TMEM101: variants seen among roughly 807,000 people sequenced by gnomAD.
The protein encoded by TMEM101 is transmembrane protein 101, also known as putative NF-kappa-B-activating protein 130.
TMEM101 carries 14 observed loss-of-function variants against 26.0 expected under a neutral mutation model. That is an observed-to-expected ratio of 0.54 (90% confidence interval 0.36 to 0.84). The LOEUF (loss-of-function observed/expected upper bound fraction) is 0.84. Ranked by LOEUF, TMEM101 falls within the 40% of genes least tolerant of loss-of-function variation. TMEM101 has a pLI of 0.01. For synonymous variants in TMEM101, 152 were observed against 145.1 expected (o/e 1.05, Z -0.34); for missense variants, 292 against 345.1 (o/e 0.85, Z 1.22).
At chr17:44,015,222 T>C (rs2049216913), upstream of TMEM101, 1 of 336,440 alleles carries the variant, frequency 3.0e-6, no homozygotes, top group East Asian at 5.9e-5. Flanking sequence ...TCTTGGACCG[T>C]AGTATGATGT....
At chr17:44,015,850 C>T (rs560010513), upstream of TMEM101, among the ~76,000 whole-genome samples, 3 of 152,234 alleles carry the variant, frequency 2.0e-5, no homozygotes, top group South Asian at 4.1e-4. Context: ...TTGCCTTTTG[C>T]CTGTGCCCTG....
chr17:44,013,210 G>T, intron 2 of TMEM101, 55 bp from the exon 3 acceptor site: 2 of 1,460,206 alleles, frequency 1.4e-6, no homozygotes, highest in Non-Finnish European at 9.1e-7. Flanking sequence ...CATCTCTCCT[G>T]GCTTCCCAGA....
Position 44,012,066 on chromosome 17 carries a change from G to C in TMEM101, c.636C>G (p.Pro212=). The part of the protein sequence containing the change: ...LAAQILAVLL[P]PVMLLIDGNV... ...TGCCATCAATGAGCAGCATGACAGG[G>C]GGCAGCAGTACAGCCAGGATCTGGG... Residue 212 remains proline, a synonymous_variant, in exon 4 of 4, where the codon CCC becomes CCG. Transcript: ENST00000206380. 6.2e-7 allele frequency: 1 copy of C among 1,614,228 alleles called. No individual in the cohort carries two copies. The highest frequency in any genetic ancestry group is 1.1e-5 in the South Asian group (1 of 91,090).
At position 44,014,845 on chromosome 17, in the gene TMEM101, C is replaced by A; in HGVS notation, c.108G>T (p.Met36Ile). Residue 36 changes from methionine (M) to isoleucine (I), a missense_variant, in exon 1 of 4, where the codon ATG (methionine) becomes ATT (isoleucine). Met to Ile is a conservative substitution (Grantham distance 10). Transcript: ENST00000206380. The stretch of plus-strand genomic sequence containing the variant: ...GTGCCTCAGCCCTCTCAGCGTACAG[C>A]ATGAGCTGGCTGAAGCAGCCCCAAA... ...CPFWGCFSQL[M>I]LYAERAEARR... The A allele has an allele frequency of 1.2e-6, 2 of 1,611,986 alleles. No homozygotes were observed. The highest frequency in any genetic ancestry group is 8.5e-7 in the Non-Finnish European group (1 of 1,178,832).
chr17:44,011,689 C>T lies in TMEM101; in HGVS notation c.*239G>A, dbSNP rs1050410764. 3.7e-6 allele frequency: 2 copies of T among 535,420 alleles called. No homozygotes were observed. The highest frequency in any genetic ancestry group is 3.8e-5 in the African/African-American group (2 of 52,492). 33.2% of individuals were successfully genotyped at this position (535,420 alleles called of 1,614,324 possible). A position where few individuals can be genotyped will look rare whatever the true frequency, so the allele number is the denominator to read the frequency against. ...ACTCAGTGGGCAGCTGGCCTCAGCT[C>T]TCCTAACAGGAAAAAAACCTGTACA... On this transcript the variant is annotated 3_prime_UTR_variant, in exon 4 of 4. Transcript: ENST00000206380.
At chr17:44,022,308 C>A (rs551230644) in intron 1 of TMEM101, among the ~76,000 whole-genome samples, 7 of 152,322 alleles carry the variant, frequency 4.6e-5, no homozygotes, top group African/African-American at 1.7e-4. Flanking sequence ...GAGATAGGAG[C>A]TGGGTTTGTA....
chr17:44,019,576 T>C (rs572635963), upstream of TMEM101: 154 of 158,498 alleles, frequency 9.7e-4, no homozygotes, highest in Non-Finnish European at 1.8e-3. Context: ...TAGATTGAAA[T>C]AGAGATTTAT....
At chr17:44,022,556 A>G (rs2049295030) in intron 1 of TMEM101, among the ~76,000 whole-genome samples, 1 of 152,248 alleles carries the variant, frequency 6.6e-6, no homozygotes. Flanking sequence ...ACTTATAAGC[A>G]GTAAGCAAGC....
chr17:44,017,108 G>A (rs1409123158), upstream of TMEM101, among the ~76,000 whole-genome samples: 10 of 148,210 alleles, frequency 6.7e-5, no homozygotes, highest in Admixed American at 6.8e-5. Context: ...CCGAGATCAC[G>A]CCACTGCACT....
chr17:44,012,255 C>T lies in TMEM101; in HGVS notation c.466-19G>A. The T allele has an allele frequency of 6.3e-7, 1 of 1,589,156 alleles. No homozygotes were observed. Among genetic ancestry groups the T allele is most frequent in the East Asian group, 2.2e-5 (1 of 44,570 alleles). On this transcript the variant is annotated intron_variant, in intron 3 of 3. Transcript: ENST00000206380. ...AGTAGGCCTGGAGACATAACATCCT[C>T]TAAGACTCTCCAACAGGCTCAGAAG...
upstream of TMEM101, chr17:44,023,143 G>A (rs537973379): frequency 2.8e-5 from 7 of 246,874 alleles, no homozygotes; most frequent in Non-Finnish European, 4.8e-5. Context: ...AAGCTTCGGC[G>A]CAGTCTGGGA....
chr17:44,013,378 G>C (rs1011242478), intron 2 of TMEM101, among the ~76,000 whole-genome samples: 10 of 152,182 alleles, frequency 6.6e-5, no homozygotes, highest in Admixed American at 6.5e-4. Context: ...TGTCAGGTCT[G>C]GCCAGGCGCA....
chr17:44,012,562 G>A (rs1176408359), intron 3 of TMEM101: 1 of 397,290 alleles, frequency 2.5e-6, no homozygotes, highest in Non-Finnish European at 4.5e-6. Flanking sequence ...AGACCTAATG[G>A]CCTGGCGCCT....
rs370785860 is a variant in TMEM101 at position 44,011,196 on chromosome 17, T to G, written c.*732A>C. 1.3e-5 allele frequency: 2 copies of G among 152,184 alleles called. No homozygotes were observed. Among genetic ancestry groups the G allele is most frequent in the East Asian group, 1.9e-4 (1 of 5,182 alleles). 9.4% of individuals were successfully genotyped at this position (152,184 alleles called of 1,614,324 possible). On this transcript the variant is annotated 3_prime_UTR_variant, in exon 4 of 4. Transcript: ENST00000206380. Reference sequence around the variant, plus strand: ...AGAAAAGCAAAACCAAATGTCTATATAAAATGTTTATTTTTGGAGGACTGT... The same window carrying G: ...AGAAAAGCAAAACCAAATGTCTATAGAAAATGTTTATTTTTGGAGGACTGT...
rs2049199384 is a variant in TMEM101 at position 44,014,373 on chromosome 17, T to C, written c.302A>G (p.Tyr101Cys). 2 of 1,553,100 alleles carry C rather than the reference T, an allele frequency of 1.3e-6. No individual in the cohort carries two copies. Among genetic ancestry groups the C allele is most frequent in the Non-Finnish European group, 1.7e-6 (2 of 1,147,672 alleles). The stretch of plus-strand genomic sequence containing the variant: ...GGCGCTCACCTTCAGCCAGTCCCCG[T>C]AGTGGACGTAGCCCCCGATGTAGGC... Reference protein sequence around the residue: ...YAAYIGGYVHYGDWLKVRMYS... With the variant: ...YAAYIGGYVHCGDWLKVRMYS... Residue 101 changes from tyrosine to cysteine, a missense_variant, in exon 2 of 4, where the codon TAC becomes TGC. Physicochemically the swap from Tyr to Cys is radical, Grantham distance 194 (BLOSUM62 -2). Transcript: ENST00000206380.
intron 1 of TMEM101, among the ~76,000 whole-genome samples, chr17:44,022,806 C>T (rs537348293): frequency 1.5e-4 from 23 of 152,226 alleles, no homozygotes; most frequent in African/African-American, 5.3e-4. Context: ...CTTTTTCTTT[C>T]GGATTCTGTT....
At chr17:44,023,032 C>A (rs974278940) in intron 1 of TMEM101, 1 of 320,126 alleles carries the variant, frequency 3.1e-6, no homozygotes, top group South Asian at 2.5e-5. Flanking sequence ...TATATATTTA[C>A]ACTCACCAGA....
intron 1 of TMEM101, chr17:44,021,491 T>C (rs1031809662): frequency 2.6e-5 from 4 of 152,156 alleles, no homozygotes; most frequent in Non-Finnish European, 4.4e-5. Context: ...GAGATAATGG[T>C]AGTGTGCGCA....
In TMEM101 at chr17:44,013,055, A is replaced by G. The variant is rs1597869815; in HGVS notation, c.419T>C (p.Leu140Pro). ...LYRRKPRSRS[L>P]QSTGQVFLGI... The stretch of plus-strand genomic sequence containing the variant: ...CAGGAACACCTGGCCGGTGGACTGC[A>G]GGGAGCGGCTGCGAGGTTTCCGGCG... Residue 140 changes from leucine to proline, a missense_variant, in exon 3 of 4, where the codon CTG (leucine) becomes CCG (proline). Coordinates refer to ENST00000206380, the MANE Select transcript of TMEM101 (RefSeq NM_032376.4). 6.2e-7 allele frequency: 1 copy of G among 1,609,584 alleles called. No homozygotes were observed. Among genetic ancestry groups the G allele is most frequent in the Non-Finnish European group, 8.5e-7 (1 of 1,176,524 alleles).
Sources: gnomAD v4.1 joint callset for allele counts (sites outside exome capture counted in the v4.1 genomes callset) on GRCh38, gnomAD v4.1.1 for gene constraint, MANE v1.5 for transcripts, NCBI Gene and HGNC (gene_info 2026-07-23, HGNC 2026-07-21) for gene names.